ANK3: variants seen among roughly 807,000 people sequenced by gnomAD.
ANK3 encodes ankyrin-3.
In ANK3, 57 loss-of-function variants were observed where a neutral mutation model predicts 370.9. The observed-to-expected ratio is 0.15, with a 90% confidence interval of 0.12 to 0.19. The LOEUF is 0.19. ANK3 is among the 10% of genes least tolerant of loss of function. The probability of loss-of-function intolerance (pLI) is 1.00; values close to 1 mark genes in which losing one functional copy is unlikely to be tolerated. For synonymous variants in ANK3, 1,929 were observed against 1,946.3 expected (o/e 0.99, Z 0.23); for missense variants, 4,439 against 5,302.1 (o/e 0.84, Z 5.06).
intron 2 of ANK3, among the ~76,000 whole-genome samples, chr10:60,403,889 A>G (rs1216614316): frequency 1.3e-5 from 2 of 152,226 alleles, no homozygotes; most frequent in African/African-American, 4.8e-5. Context: ...TAAAAAGTGT[A>G]TCTTGCTTGG....
intron 2 of ANK3, among the ~76,000 whole-genome samples, chr10:60,439,185 A>G (rs1363520199): frequency 2.0e-5 from 3 of 152,192 alleles, no homozygotes; most frequent in Admixed American, 6.5e-5. Flanking sequence ...ATGAGCCTTG[A>G]CTTCGAGACC....
chr10:60,683,909 C>T (rs951057586), intron 1 of ANK3, among the ~76,000 whole-genome samples: 1 of 152,174 alleles, frequency 6.6e-6, no homozygotes, highest in Non-Finnish European at 1.5e-5. Flanking sequence ...AACAGATGGA[C>T]AGACAGAAGG....
chr10:60,376,642 C>T (rs1384892995), intron 1 of ANK3, among the ~76,000 whole-genome samples: 1 of 152,176 alleles, frequency 6.6e-6, no homozygotes, highest in African/African-American at 2.4e-5. Flanking sequence ...AAAATCAAGA[C>T]CAGCACTTGC....
intron 1 of ANK3, among the ~76,000 whole-genome samples, chr10:60,371,178 A>C (rs2060061119): frequency 6.6e-6 from 1 of 152,150 alleles, no homozygotes. Context: ...CATCTGTCTC[A>C]TCTCTACCCT....
intron 36 of ANK3, among the ~76,000 whole-genome samples, chr10:60,079,746 G>A (rs552766380): frequency 6.6e-6 from 1 of 152,258 alleles, no homozygotes; most frequent in African/African-American, 2.4e-5. Context: ...GCTGGTGGAG[G>A]GGGTTATCTT....
intron 23 of ANK3, chr10:60,146,052 T>TAAAAC (rs1312161646): frequency 6.6e-7 from 1 of 1,522,796 alleles, no homozygotes; most frequent in Non-Finnish European, 8.8e-7. Flanking sequence ...ATTAACAAAA[T>TAAAAC]AAAACAAAAC....
chr10:60,060,116 C>A, intron 40 of ANK3: 2 of 770,914 alleles, frequency 2.6e-6, no homozygotes, highest in Non-Finnish European at 3.9e-6. Flanking sequence ...TGATGAATTA[C>A]AGATTAATGT....
At chr10:60,240,656 A>G (rs1385096523) in intron 7 of ANK3, among the ~76,000 whole-genome samples, 1 of 151,974 alleles carries the variant, frequency 6.6e-6, no homozygotes, top group Non-Finnish European at 1.5e-5. Context: ...CAGTAGCACA[A>G]TCTCAGTTCA....
chr10:60,441,653 C>T (rs564325217), intron 2 of ANK3, among the ~76,000 whole-genome samples: 1 of 152,140 alleles, frequency 6.6e-6, no homozygotes, highest in Non-Finnish European at 1.5e-5. Context: ...ATTATATTTA[C>T]AGTAAGTACA....
intron 1 of ANK3, among the ~76,000 whole-genome samples, chr10:60,642,381 C>T (rs975339754): frequency 6.6e-6 from 1 of 151,908 alleles, no homozygotes; most frequent in South Asian, 2.1e-4. Context: ...TGGAACCAAC[C>T]CAAATGTCCA....
intron 1 of ANK3, among the ~76,000 whole-genome samples, chr10:60,359,819 T>C (rs1338514935): frequency 6.6e-6 from 1 of 152,194 alleles, no homozygotes; most frequent in Non-Finnish European, 1.5e-5. Flanking sequence ...CAAAGGATTA[T>C]CAATCAGTCA....
chr10:60,510,040 T>C (rs2076040971), intron 2 of ANK3, among the ~76,000 whole-genome samples: 1 of 152,082 alleles, frequency 6.6e-6, no homozygotes, highest in Non-Finnish European at 1.5e-5. Context: ...CACAAGGCCA[T>C]GGTCTCTTTA....
At chr10:60,314,429 C>A (rs1382826092) in intron 1 of ANK3, among the ~76,000 whole-genome samples, 1 of 152,088 alleles carries the variant, frequency 6.6e-6, no homozygotes, top group African/African-American at 2.4e-5. Flanking sequence ...AGGAGTTAAC[C>A]AAATTAACCC....
Position 60,406,147 on chromosome 10 carries a change from G to C in ANK3, c.97-126508C>G, listed in dbSNP as rs549276985. 2.6e-5 allele frequency among the ~76,000 whole-genome samples: 4 copies of C among 152,274 alleles called. No homozygotes were observed. The South Asian group carries it at 8.3e-4, about 32-fold the overall frequency. ...ACTTTCTGTAAGGGGCTATATAGTA[G>C]ATATTTTAGGCTTTCCAGACCATAC... is the stretch of plus-strand genomic sequence containing the variant. On this transcript the variant is annotated intron_variant, in intron 2 of 43. Transcript: ENST00000373827.
intron 1 of ANK3, among the ~76,000 whole-genome samples, chr10:60,308,369 G>A (rs557038868): frequency 3.5e-4 from 51 of 144,902 alleles, no homozygotes; most frequent in Middle Eastern, 3.8e-3. Flanking sequence ...GCATGATCTC[G>A]GCTCACTGCA....
chr10:60,160,330 A>C (rs1316290610), intron 23 of ANK3, among the ~76,000 whole-genome samples: 1 of 152,106 alleles, frequency 6.6e-6, no homozygotes, highest in Non-Finnish European at 1.5e-5. Context: ...TATTAGACAC[A>C]TAAAGCCTAC....
intron 23 of ANK3, among the ~76,000 whole-genome samples, chr10:60,161,476 G>T (rs2095498712): frequency 6.6e-6 from 1 of 152,092 alleles, no homozygotes; most frequent in East Asian, 1.9e-4. Context: ...CCAAGATATG[G>T]AATCAACCTA....
chr10:60,510,203 T>G (rs980214753), intron 2 of ANK3, among the ~76,000 whole-genome samples: 1 of 152,134 alleles, frequency 6.6e-6, no homozygotes, highest in Non-Finnish European at 1.5e-5. Flanking sequence ...AGGTAAGTGA[T>G]AGGTAGACAG....
chr10:60,563,411 G>C (rs2077385166), intron 2 of ANK3, among the ~76,000 whole-genome samples: 1 of 152,136 alleles, frequency 6.6e-6, no homozygotes, highest in African/African-American at 2.4e-5. Context: ...CACAACCCAT[G>C]ATCTGAAATC....
Sources: gnomAD v4.1 joint callset for allele counts (sites outside exome capture counted in the v4.1 genomes callset) on GRCh38, gnomAD v4.1.1 for gene constraint, MANE v1.5 for transcripts, NCBI Gene and HGNC (gene_info 2026-07-23, HGNC 2026-07-21) for gene names.